NFIX: variants seen among roughly 807,000 people sequenced by gnomAD.
NFIX encodes nuclear factor 1 X-type.
Under a neutral mutation model 53.3 loss-of-function variants are expected in NFIX, and 2 were observed. That is an observed-to-expected ratio of 0.04 (90% CI 0.02 to 0.12). NFIX has a LOEUF of 0.12. Among genes scored for constraint, NFIX ranks in the 10% least tolerant of loss-of-function variants. The pLI is 1.00. For synonymous variants in NFIX, 244 were observed against 289.0 expected, an observed-to-expected ratio of 0.84 and a Z score of 1.58; for missense variants, 310 against 674.5, an observed-to-expected ratio of 0.46 and a Z score of 5.99.
At position 12,996,397 on chromosome 19, in the gene NFIX, G is replaced by T. The variant is rs2011467508; in HGVS notation, c.27+533G>T. Among the ~76,000 whole-genome samples the T allele has an allele frequency of 6.6e-6, 1 of 152,106 alleles. No homozygotes were observed. The highest frequency in any genetic ancestry group is 2.1e-4 in the South Asian group (1 of 4,830). ...GCCGGCGTGCGTGGCGGCGGCCCTT[G>T]CGTGCGGCCGGGGTGCCTGGGGTGG... On this transcript the variant is annotated intron_variant, in intron 1 of 10. Coordinates refer to ENST00000592199, the MANE Select transcript of NFIX (RefSeq NM_001365902.3). This position sits in a 1 kb window ranked among gnomAD's most constrained non-coding sequence, Gnocchi z 5.2.
At chr19:13,048,968 T>C (rs147815386) in intron 2 of NFIX, among the ~76,000 whole-genome samples, 1 of 152,008 alleles carries the variant, frequency 6.6e-6, no homozygotes, top group African/African-American at 2.4e-5. Context: ...TCCCAGCTAC[T>C]CGGGAGGCTG....
rs769422162 is a variant in NFIX, at chr19:13,006,083, C to T, written c.27+10219C>T. The stretch of plus-strand genomic sequence containing the variant: ...GCAAAATCTGCAAAGATGCCAGCCC[C>T]GGTGGGAGGGCAGACTGTGAATCTG... On this transcript the variant is annotated intron_variant, in intron 1 of 10. Transcript: ENST00000592199. The surrounding 1 kb of genome is among the most constrained non-coding windows in gnomAD (Gnocchi z 5.6). Among the ~76,000 whole-genome samples, 16 of 152,308 alleles carry T rather than the reference C, an allele frequency of 1.1e-4. No individual in the cohort carries two copies. The highest frequency in any genetic ancestry group is 1.0e-3 in the South Asian group (5 of 4,830).
At chr19:13,065,206 G>T (rs76567647) in intron 2 of NFIX, among the ~76,000 whole-genome samples, 10,497 of 152,246 alleles carry the variant, frequency 0.069, 470 homozygotes, top group Non-Finnish European at 0.11. Flanking sequence ...CCCCTCAGTG[G>T]ACACAGGCTC....
Position 13,090,056 on chromosome 19 carries a change from C to A in NFIX, c.1403-243C>A, listed in dbSNP as rs543583809. Among the ~76,000 whole-genome samples, 1 of 152,104 alleles carries A rather than the reference C, an allele frequency of 6.6e-6. No homozygotes were observed. Among genetic ancestry groups the A allele is most frequent in the African/African-American group, 2.4e-5 (1 of 41,414 alleles). ...CTGTGGCTTCTGAGTGGGTGTGTGTCGGGGGTGTAGTGTGTGTTCCTGGTC... is the reference window on the plus strand; with the variant it reads ...CTGTGGCTTCTGAGTGGGTGTGTGTAGGGGGTGTAGTGTGTGTTCCTGGTC... On this transcript the variant is annotated intron_variant, in intron 9 of 10. Coordinates refer to ENST00000592199, the MANE Select transcript of NFIX (RefSeq NM_001365902.3). This position sits in a 1 kb window ranked among gnomAD's most constrained non-coding sequence, Gnocchi z 6.6.
rs2011492601 is a variant in NFIX, at chr19:12,996,994, C to G, written c.27+1130C>G. Among the ~76,000 whole-genome samples the G allele has an allele frequency of 1.3e-5, 2 of 152,262 alleles. No individual in the cohort carries two copies. ...GGGCCAAGCCACAGCTGGTAACAGTCTCCGAAGAGGGGACATCTAGGGGCT... is the reference window on the plus strand; with the variant it reads ...GGGCCAAGCCACAGCTGGTAACAGTGTCCGAAGAGGGGACATCTAGGGGCT... On this transcript the variant is annotated intron_variant, in intron 1 of 10. Coordinates refer to ENST00000592199, the MANE Select transcript of NFIX (RefSeq NM_001365902.3). The surrounding 1 kb of genome is among the most constrained non-coding windows in gnomAD (Gnocchi z 5.2).
At position 13,091,767 on chromosome 19, in the gene NFIX, G is replaced by C. The variant is rs139012291; in HGVS notation, c.1494+1377G>C. On this transcript the variant is annotated intron_variant, in intron 10 of 10. Transcript: ENST00000592199. The stretch of plus-strand genomic sequence containing the variant: ...CTCTGGGCTGGCACCAGGCTTCAGG[G>C]TTCCATCGCTCCCTCCCTCCTGCTG... Among the ~76,000 whole-genome samples the C allele has an allele frequency of 3.4e-3, 513 of 152,322 alleles. 3 individuals are homozygous for C. The highest frequency in any genetic ancestry group is 0.012 in the African/African-American group (488 of 41,568).
In NFIX at chr19:13,019,239, A is replaced by G. The variant is rs1159234448; in HGVS notation, c.28-5782A>G. 2.0e-5 allele frequency among the ~76,000 whole-genome samples: 3 copies of G among 152,182 alleles called. No individual in the cohort carries two copies. In the East Asian group the frequency reaches 5.8e-4, roughly 29 times the overall value. On this transcript the variant is annotated intron_variant, in intron 1 of 10. Transcript: ENST00000592199. Reference sequence around the variant, plus strand: ...GCGGGCAGGTTGCAAAACCTATCTCAGTCTGGGAAGATTATTTTGTTTCCT... The same window carrying G: ...GCGGGCAGGTTGCAAAACCTATCTCGGTCTGGGAAGATTATTTTGTTTCCT...
Position 13,089,473 on chromosome 19 carries a change from C to A in NFIX, c.1403-826C>A, listed in dbSNP as rs1282390675. Among the ~76,000 whole-genome samples, 2 of 152,194 alleles carry A rather than the reference C, an allele frequency of 1.3e-5. No individual in the cohort carries two copies. The highest frequency in any genetic ancestry group is 2.9e-5 in the Non-Finnish European group (2 of 68,014). ...GGATGGCTGCTCCCAGGCATCTGAGCCCTAGGGCTCTGCCAGGCTCTCCAG... is the reference window on the plus strand; with the variant it reads ...GGATGGCTGCTCCCAGGCATCTGAGACCTAGGGCTCTGCCAGGCTCTCCAG... On this transcript the variant is annotated intron_variant, in intron 9 of 10. Coordinates refer to ENST00000592199, the MANE Select transcript of NFIX (RefSeq NM_001365902.3). This position sits in a 1 kb window ranked among gnomAD's most constrained non-coding sequence, Gnocchi z 4.8.
chr19:13,078,842 C>T lies in NFIX; in HGVS notation c.1078+107C>T, dbSNP rs1264260682. On this transcript the variant is annotated intron_variant, in intron 7 of 10. Transcript: ENST00000592199. The surrounding 1 kb of genome is among the most constrained non-coding windows in gnomAD (Gnocchi z 4.7). Reference sequence around the variant, plus strand: ...GAGCTGACCCCGAGTGACAGCCCCACGCTCTCCAAGTGGGCCAAGGTGCAG... The same window carrying T: ...GAGCTGACCCCGAGTGACAGCCCCATGCTCTCCAAGTGGGCCAAGGTGCAG... The T allele has an allele frequency of 1.4e-5, 18 of 1,326,578 alleles. No homozygotes were observed. Among genetic ancestry groups the T allele is most frequent in the South Asian group, 1.2e-4 (8 of 67,300 alleles). The allele number at this position is 1,326,578 out of a possible 1,614,324, so 82.2% of individuals were successfully genotyped here.
rs1391792514 is a variant in NFIX at position 12,998,149 on chromosome 19, A to C, written c.27+2285A>C. On this transcript the variant is annotated intron_variant, in intron 1 of 10. Transcript: ENST00000592199. The surrounding 1 kb of genome is among the most constrained non-coding windows in gnomAD (Gnocchi z 4.4). ...GCTGTCTTTTTCTCGGTCTGTTTTTATCGGTCTCTGGTGTATTCTGCCCTT... is the reference window on the plus strand; with the variant it reads ...GCTGTCTTTTTCTCGGTCTGTTTTTCTCGGTCTCTGGTGTATTCTGCCCTT... Among the ~76,000 whole-genome samples the C allele has an allele frequency of 1.3e-5, 2 of 151,720 alleles. No homozygotes were observed. Among genetic ancestry groups the C allele is most frequent in the African/African-American group, 2.4e-5 (1 of 41,254 alleles).
At chr19:13,016,240 C>G (rs1416926929) in intron 1 of NFIX, among the ~76,000 whole-genome samples, 1 of 152,198 alleles carries the variant, frequency 6.6e-6, no homozygotes, top group Admixed American at 6.5e-5. Flanking sequence ...AAAATTTCCT[C>G]CAGCCTGCTT....
rs1255711541 is a variant in NFIX at position 13,051,654 on chromosome 19, CCCT to C, written c.560-21381_560-21379del. Among the ~76,000 whole-genome samples, 2 of 152,112 alleles carry C rather than the reference CCCT, an allele frequency of 1.3e-5. No individual in the cohort carries two copies. Among genetic ancestry groups the C allele is most frequent in the Admixed American group, 6.5e-5 (1 of 15,280 alleles). On this transcript the variant is annotated intron_variant, in intron 2 of 10. Transcript: ENST00000592199. The surrounding 1 kb of genome is among the most constrained non-coding windows in gnomAD (Gnocchi z 5.1). ...GAGGCCCTTCCTCGGAGAAGCCCAG[CCCT>C]CCTCCTCCTCCCTTCTTGGCCCTCT...
intron 2 of NFIX, among the ~76,000 whole-genome samples, chr19:13,035,276 A>G (rs2014104359): frequency 6.6e-6 from 1 of 152,192 alleles, no homozygotes; most frequent in Non-Finnish European, 1.5e-5. Flanking sequence ...GCTTTTCCGG[A>G]TAGCAGAGCC....
rs984609923 is a variant in NFIX, at chr19:13,012,674, G to A, written c.28-12347G>A. On this transcript the variant is annotated intron_variant, in intron 1 of 10. Coordinates refer to ENST00000592199, the MANE Select transcript of NFIX (RefSeq NM_001365902.3). The surrounding 1 kb of genome is among the most constrained non-coding windows in gnomAD (Gnocchi z 5.0). ...CCTGACATCCGACGGAGGATAATGC[G>A]CGTTGGAGGGCTTTGGCCGTGAATG... Among the ~76,000 whole-genome samples the A allele has an allele frequency of 6.6e-6, 1 of 152,220 alleles. No homozygotes were observed. Among genetic ancestry groups the A allele is most frequent in the African/African-American group, 2.4e-5 (1 of 41,458 alleles).
At chr19:13,056,990 C>G (rs1236225318) in intron 2 of NFIX, among the ~76,000 whole-genome samples, 1 of 152,210 alleles carries the variant, frequency 6.6e-6, no homozygotes, top group African/African-American at 2.4e-5. Context: ...CTGCTGCATC[C>G]CTCAGAGACT....
chr19:13,082,032 A>G, intron 8 of NFIX, 177 bp downstream of exon 8: 1 of 673,060 alleles, frequency 1.5e-6, no homozygotes, highest in Non-Finnish European at 2.5e-6. Flanking sequence ...GGGTCTGTGT[A>G]TTATGCCAGG....
intron 2 of NFIX, among the ~76,000 whole-genome samples, chr19:13,031,837 G>A (rs2145220787): frequency 6.6e-6 from 1 of 152,302 alleles, no homozygotes; most frequent in East Asian, 1.9e-4. Context: ...TGAGGCCAGT[G>A]CTACGTTCTC....
rs943362543 is a variant in NFIX at position 13,043,969 on chromosome 19, T to TA, written c.559+18426dup. Among the ~76,000 whole-genome samples the TA allele has an allele frequency of 6.6e-6, 1 of 151,032 alleles. No individual in the cohort carries two copies. Among genetic ancestry groups the TA allele is most frequent in the Non-Finnish European group, 1.5e-5 (1 of 67,716 alleles). ...ACCCCCATCTCTATAAAATAAAATT[T>TA]AAAAAAAAAGAAAAAAGAGAAAATC... On this transcript the variant is annotated intron_variant, in intron 2 of 10. Transcript: ENST00000592199. The surrounding 1 kb of genome is among the most constrained non-coding windows in gnomAD (Gnocchi z 4.0).
rs2018346146 is a variant in NFIX at position 13,094,884 on chromosome 19, A to G, written c.*235A>G. On this transcript the variant is annotated 3_prime_UTR_variant, in exon 11 of 11. Coordinates refer to ENST00000592199, the MANE Select transcript of NFIX (RefSeq NM_001365902.3). The surrounding 1 kb of genome is among the most constrained non-coding windows in gnomAD (Gnocchi z 4.3). The stretch of plus-strand genomic sequence containing the variant: ...AGGGGTCTCGGTGGAGCTGTGCACC[A>G]GCAGCCAAGCAGAAAGAAACACGCG... 1.9e-6 allele frequency: 1 copy of G among 527,240 alleles called. No individual in the cohort carries two copies. Among genetic ancestry groups the G allele is most frequent in the Non-Finnish European group, 3.4e-6 (1 of 294,702 alleles). The allele number at this position is 527,240 out of a possible 1,614,324, so 32.7% of individuals were successfully genotyped here.
Sources: gnomAD v4.1 joint callset for allele counts (sites outside exome capture counted in the v4.1 genomes callset) on GRCh38, gnomAD v4.1.1 for gene constraint, Gnocchi (gnomAD v3.1) non-coding constraint, MANE v1.5 for transcripts, NCBI Gene and HGNC (gene_info 2026-07-23, HGNC 2026-07-21) for gene names.